The following UBE2G1 variants were observed in gnomAD, a reference collection of about 807,000 sequenced individuals.
UBE2G1 encodes ubiquitin-conjugating enzyme E2 G1.
In UBE2G1, 5 loss-of-function variants were observed where a neutral mutation model predicts 22.7. The ratio of observed to expected loss-of-function variants is 0.22; its 90% CI spans 0.12 to 0.46. The LOEUF (loss-of-function observed/expected upper bound fraction) is 0.46. UBE2G1 is among the 20% of genes least tolerant of loss of function. The probability of loss-of-function intolerance (pLI) is 0.99; values close to 1 mark genes in which losing one functional copy is unlikely to be tolerated. For synonymous variants in UBE2G1, 74 were observed against 67.5 expected (o/e 1.10, Z -0.47); for missense variants, 88 against 203.9 (o/e 0.43, Z 3.46).
rs34313850 is a variant in UBE2G1 at position 4,290,779 on chromosome 17, CTTTTTTT to C, written c.248-1378_248-1372del. Among the ~76,000 whole-genome samples the C allele has an allele frequency of 4.4e-4, 52 of 117,940 alleles. No homozygotes were observed. In the East Asian group the frequency reaches 9.7e-3, roughly 22 times the overall value. The allele number at this position is 117,940 out of a possible 152,430, so 77.4% of individuals were successfully genotyped here. A position where few individuals can be genotyped will look rare whatever the true frequency, so the allele number is the denominator to read the frequency against. ...CATAGGCACATGGCACCATTCCTGGCTTTTTTTTTTTTTTTTTTTGGTAGAGATATAG... is the reference window on the plus strand; with the variant it reads ...CATAGGCACATGGCACCATTCCTGGCTTTTTTTTTTTTGGTAGAGATATAG... On this transcript the variant is annotated intron_variant, in intron 3 of 5. Transcript: ENST00000396981.
At chr17:4,302,131 G>C in intron 2 of UBE2G1, 1 of 524,590 alleles carries the variant, frequency 1.9e-6, no homozygotes, top group South Asian at 1.4e-5. Context: ...GTCTGCTATT[G>C]TGTTGCCATG....
chr17:4,305,892 G>A (rs903461935), intron 2 of UBE2G1, among the ~76,000 whole-genome samples: 8 of 152,186 alleles, frequency 5.3e-5, no homozygotes, highest in Non-Finnish European at 1.0e-4. Context: ...AAGTTAGTCT[G>A]CAAACACTCA....
At chr17:4,310,812 CGAGTATATA>C (rs1179646107) in intron 1 of UBE2G1, among the ~76,000 whole-genome samples, 1 of 152,012 alleles carries the variant, frequency 6.6e-6, no homozygotes, top group Non-Finnish European at 1.5e-5. Flanking sequence ...AAGTGTACCT[CGAGTATATA>C]GTAGTCGAAA....
intron 1 of UBE2G1, among the ~76,000 whole-genome samples, chr17:4,324,082 T>C (rs1969474580): frequency 6.6e-6 from 1 of 152,250 alleles, no homozygotes. Flanking sequence ...CGGAGAAATC[T>C]GGCAATCACC....
chr17:4,319,352 T>A (rs1001656100), intron 1 of UBE2G1, among the ~76,000 whole-genome samples: 1 of 152,148 alleles, frequency 6.6e-6, no homozygotes, highest in Non-Finnish European at 1.5e-5. Flanking sequence ...ACCAACCAGG[T>A]TAGCCTCAGA....
intron 3 of UBE2G1, among the ~76,000 whole-genome samples, chr17:4,290,840 A>T (rs1453237970): frequency 6.7e-6 from 1 of 149,988 alleles, no homozygotes; most frequent in African/African-American, 2.5e-5. Context: ...GCTGGTCCCA[A>T]ACTGGGATTA....
chr17:4,324,716 C>A (rs1969481516), intron 1 of UBE2G1, among the ~76,000 whole-genome samples: 1 of 152,054 alleles, frequency 6.6e-6, no homozygotes, highest in Non-Finnish European at 1.5e-5. Flanking sequence ...CCATGTCCAG[C>A]CAGTTAAATG....
chr17:4,307,336 T>C (rs924654030), intron 1 of UBE2G1, among the ~76,000 whole-genome samples: 1 of 152,150 alleles, frequency 6.6e-6, no homozygotes, highest in African/African-American at 2.4e-5. Flanking sequence ...GAAGATCAAC[T>C]TCTACTGGTA....
chr17:4,339,870 C>T (rs1282309016), intron 1 of UBE2G1, among the ~76,000 whole-genome samples: 1 of 152,050 alleles, frequency 6.6e-6, no homozygotes, highest in Non-Finnish European at 1.5e-5. Context: ...AAAGTCAAAG[C>T]CAAATTTTCC....
rs142494467 is a variant in UBE2G1 at position 4,327,672 on chromosome 17, T to C, written c.47-20549A>G. 3.1e-3 allele frequency among the ~76,000 whole-genome samples: 471 copies of C among 152,148 alleles called. 3 individuals are homozygous for C. Among genetic ancestry groups the C allele is most frequent in the African/African-American group, 0.011 (441 of 41,510 alleles). On this transcript the variant is annotated intron_variant, in intron 1 of 5. Transcript: ENST00000396981. ...GAGTAGTTAAAAAGTCCAATATACA[T>C]ATCAGAAGTGTGGGACACATCAAAT... is the stretch of plus-strand genomic sequence containing the variant.
chr17:4,359,178 T>C (rs1431424853), intron 1 of UBE2G1, among the ~76,000 whole-genome samples: 2 of 152,198 alleles, frequency 1.3e-5, no homozygotes, highest in African/African-American at 4.8e-5. Flanking sequence ...TAAAGAACTT[T>C]TTTAAAAATT....
At chr17:4,359,109 T>C (rs980058776) in intron 1 of UBE2G1, among the ~76,000 whole-genome samples, 18 of 151,936 alleles carry the variant, frequency 1.2e-4, no homozygotes, top group Non-Finnish European at 2.4e-4. Context: ...AAGTGTCTCC[T>C]GACATAAAGA....
At chr17:4,300,000 T>A (rs986854365) in intron 2 of UBE2G1, among the ~76,000 whole-genome samples, 5 of 151,776 alleles carry the variant, frequency 3.3e-5, no homozygotes, top group Non-Finnish European at 7.4e-5. Context: ...CTAATTTTTG[T>A]ATCTTTAGTA....
intron 2 of UBE2G1, among the ~76,000 whole-genome samples, chr17:4,304,786 C>A (rs1315681559): frequency 2.0e-5 from 3 of 152,062 alleles, no homozygotes; most frequent in African/African-American, 7.2e-5. Flanking sequence ...CCCCTCCCCC[C>A]AGCACAAGCC....
intron 4 of UBE2G1, among the ~76,000 whole-genome samples, chr17:4,284,179 G>GCC (rs1218079790): frequency 6.7e-6 from 1 of 148,936 alleles, no homozygotes; most frequent in Non-Finnish European, 1.5e-5. Context: ...AAAAAAGAGG[G>GCC]CCTGAAAATA....
chr17:4,365,049 C>T (rs1379376233), intron 1 of UBE2G1, among the ~76,000 whole-genome samples: 1 of 152,214 alleles, frequency 6.6e-6, no homozygotes, highest in African/African-American at 2.4e-5. Flanking sequence ...GTAAGAACCC[C>T]TGACAACCTT....
chr17:4,284,785 T>C (rs1476531263), intron 4 of UBE2G1, among the ~76,000 whole-genome samples: 1 of 151,286 alleles, frequency 6.6e-6, no homozygotes, highest in Non-Finnish European at 1.5e-5. Flanking sequence ...CATTTGTTTT[T>C]TTCCCCCCGA....
At chr17:4,285,210 G>A (rs1170660386) in intron 4 of UBE2G1, among the ~76,000 whole-genome samples, 1 of 151,568 alleles carries the variant, frequency 6.6e-6, no homozygotes, top group African/African-American at 2.4e-5. Flanking sequence ...ATTTTAATTT[G>A]GCAAATCAAA....
intron 1 of UBE2G1, among the ~76,000 whole-genome samples, chr17:4,333,858 C>A (rs1207246832): frequency 6.6e-6 from 1 of 152,152 alleles, no homozygotes; most frequent in East Asian, 1.9e-4. Context: ...TTGCCTAATT[C>A]GCAGTCAAAG....
Sources: allele counts gnomAD v4.1 joint callset (sites outside exome capture counted in the v4.1 genomes callset), GRCh38; gene constraint gnomAD v4.1.1; transcripts MANE v1.5; gene names NCBI Gene and HGNC (gene_info 2026-07-23, HGNC 2026-07-21).